The following RAB11FIP4 variants were observed in gnomAD, a reference collection of about 807,000 sequenced individuals.
RAB11FIP4 encodes rab11 family-interacting protein 4.
RAB11FIP4 carries 23 observed loss-of-function variants against 74.3 expected under a neutral mutation model. The observed-to-expected ratio is 0.31, with a 90% CI of 0.22 to 0.44. RAB11FIP4 has a LOEUF of 0.44. Ranked by LOEUF, RAB11FIP4 falls within the 20% of genes least tolerant of loss-of-function variation. RAB11FIP4 has a pLI of 1.00. For synonymous variants in RAB11FIP4, 360 were observed against 359.9 expected (o/e 1.00, Z 0.00); for missense variants, 630 against 863.9 (o/e 0.73, Z 3.39).
At chr17:31,411,720 C>T (rs750561548) in intron 1 of RAB11FIP4, among the ~76,000 whole-genome samples, 9 of 152,246 alleles carry the variant, frequency 5.9e-5, no homozygotes, top group Non-Finnish European at 1.3e-4. Context: ...CTGCAAAGAG[C>T]GTCTACAAAA....
At position 31,465,521 on chromosome 17, in the gene RAB11FIP4, A is replaced by AAAG; in HGVS notation, c.336+31401_336+31402insGAA. ...CGGATGGCACCCTGTTAAAAAAAAA[A>AAAG]AAAAAAAGAACCCCAGCCCCTGCTG... On this transcript the variant is annotated intron_variant, in intron 3 of 14. Transcript: ENST00000621161. 2.0e-5 allele frequency: 3 copies of AAAG among 150,962 alleles called. No individual in the cohort carries two copies. The South Asian group carries it at 6.3e-4, about 32-fold the overall frequency. The allele number at this position is 150,962 out of a possible 1,614,324, so 9.4% of individuals were successfully genotyped here. A position where few individuals can be genotyped will look rare whatever the true frequency, so the allele number is the denominator to read the frequency against.
At chr17:31,431,103 G>T (rs1161872348) in intron 1 of RAB11FIP4, among the ~76,000 whole-genome samples, 1 of 152,134 alleles carries the variant, frequency 6.6e-6, no homozygotes. Context: ...CAAAAAGCTG[G>T]AAATAACCAA....
In RAB11FIP4 at chr17:31,514,999, GGCCCTGCCCT is replaced by G. The variant is rs575434569; in HGVS notation, c.337-2636_337-2627del. ...GGATGCAAAGGCAGGCGGGGTGGGG[GGCCCTGCCCT>G]GCCCTGCCCTGCCCTCTGGCTGGAG... On this transcript the variant is annotated intron_variant, in intron 3 of 14. Transcript: ENST00000621161. 1.7e-4 allele frequency among the ~76,000 whole-genome samples: 26 copies of G among 152,148 alleles called. 1 individual carries two copies. The highest frequency in any genetic ancestry group is 1.9e-4 in the East Asian group (1 of 5,184).
Position 31,522,356 on chromosome 17 carries a change from C to G in RAB11FIP4, c.894-4C>G, listed in dbSNP as rs1485297848. On this transcript the variant is annotated splice_polypyrimidine_tract_variant and splice_region_variant and intron_variant, in intron 6 of 14. Coordinates refer to ENST00000621161, the MANE Select transcript of RAB11FIP4 (RefSeq NM_032932.6). ...TTCAATGACTGTTTCCTTTCTCTCT[C>G]TAGCCCCAACCGAAAGATCTCCAGC... 6.2e-7 allele frequency: 1 copy of G among 1,613,952 alleles called. No homozygotes were observed. Among genetic ancestry groups the G allele is most frequent in the South Asian group, 1.1e-5 (1 of 91,080 alleles).
In RAB11FIP4 at chr17:31,434,038, C is replaced by T. The variant is rs747691042; in HGVS notation, c.252C>T (p.Cys84=). 2.3e-5 allele frequency: 37 copies of T among 1,581,510 alleles called. No homozygotes were observed. Among genetic ancestry groups the T allele is most frequent in the Middle Eastern group, 3.3e-4 (2 of 5,978 alleles). ...FCRGVFAMKG[C]EELLKDVLSV... is the part of the protein sequence containing the mutation. ...TGTGTCTGCCTGTCTGCGCAGGGTG[C>T]GAGGAGCTGCTGAAGGATGTGCTGT... is the stretch of plus-strand genomic sequence containing the variant. Residue 84 remains cysteine (C), a synonymous_variant, in exon 3 of 15, where the codon TGC becomes TGT. Coordinates refer to ENST00000621161, the MANE Select transcript of RAB11FIP4 (RefSeq NM_032932.6).
intron 3 of RAB11FIP4, among the ~76,000 whole-genome samples, chr17:31,438,411 C>T (rs989908290): frequency 3.9e-5 from 6 of 152,192 alleles, no homozygotes; most frequent in Non-Finnish European, 5.9e-5. Flanking sequence ...GTAGCCACCA[C>T]GCCAGCAAAT....
chr17:31,426,170 G>T (rs1012370209), intron 1 of RAB11FIP4, among the ~76,000 whole-genome samples: 3 of 152,180 alleles, frequency 2.0e-5, no homozygotes, highest in African/African-American at 7.2e-5. Flanking sequence ...AGACAGCCCC[G>T]TGAGAGTCTC....
chr17:31,524,971 C>T (rs542856661), intron 9 of RAB11FIP4, 119 bp from the exon 10 acceptor site: 32 of 1,219,462 alleles, frequency 2.6e-5, no homozygotes, highest in East Asian at 5.1e-5. Flanking sequence ...CTGGCCCACA[C>T]GCCCTCAGTG....
chr17:31,520,976 C>A (rs1394242296), intron 4 of RAB11FIP4, 190 bp from the exon 5 acceptor site: 1 of 415,894 alleles, frequency 2.4e-6, no homozygotes. Context: ...TTGGTTTGAA[C>A]TGTAGAAATG....
Position 31,528,783 on chromosome 17 carries a change from G to T in RAB11FIP4, c.1653+5G>T. 1.9e-6 allele frequency: 3 copies of T among 1,603,450 alleles called. No individual in the cohort carries two copies. The highest frequency in any genetic ancestry group is 2.6e-6 in the Non-Finnish European group (3 of 1,174,876). On this transcript the variant is annotated splice_donor_5th_base_variant and intron_variant, in intron 13 of 14. Coordinates refer to ENST00000621161, the MANE Select transcript of RAB11FIP4 (RefSeq NM_032932.6). ...GAGGTCAAGCGGCTCAAGCAGGTGG[G>T]TCTAGCAGTCTCTGTGTCCAGTGGG...
rs80295809 is a variant in RAB11FIP4 at position 31,508,977 on chromosome 17, G to T, written c.337-8674G>T. 1,129 of 152,750 alleles carry T rather than the reference G, an allele frequency of 7.4e-3. 11 individuals carry two copies. The highest frequency in any genetic ancestry group is 0.013 in the Non-Finnish European group (907 of 68,030). The allele number at this position is 152,750 out of a possible 1,614,324, so 9.5% of individuals were successfully genotyped here. On this transcript the variant is annotated intron_variant, in intron 3 of 14. Coordinates refer to ENST00000621161, the MANE Select transcript of RAB11FIP4 (RefSeq NM_032932.6). ...CAGCAGCCCTTCCTCGGTGATGTTT[G>T]TGCAGCAGCAGAACTTGTTGAGTGA... is the stretch of plus-strand genomic sequence containing the variant.
intron 3 of RAB11FIP4, among the ~76,000 whole-genome samples, chr17:31,511,769 G>T (rs902909031): frequency 2.0e-5 from 3 of 152,224 alleles, no homozygotes; most frequent in Non-Finnish European, 2.9e-5. Flanking sequence ...GCCACTCTGA[G>T]GCTGGGACGG....
At chr17:31,403,059 G>C (rs2071008418) in intron 1 of RAB11FIP4, among the ~76,000 whole-genome samples, 1 of 152,140 alleles carries the variant, frequency 6.6e-6, no homozygotes, top group African/African-American at 2.4e-5. Flanking sequence ...GAGTATGACT[G>C]AGCATGGTGG....
intron 1 of RAB11FIP4, among the ~76,000 whole-genome samples, chr17:31,402,825 C>T (rs925262233): frequency 1.3e-4 from 20 of 151,718 alleles, no homozygotes; most frequent in Non-Finnish European, 2.7e-4. Flanking sequence ...CGGGGTTTCA[C>T]CGTGTTAGCC....
At chr17:31,490,901 G>A (rs1343448655) in intron 3 of RAB11FIP4, among the ~76,000 whole-genome samples, 5 of 152,328 alleles carry the variant, frequency 3.3e-5, no homozygotes, top group Non-Finnish European at 5.9e-5. Flanking sequence ...TGTTAGCAGT[G>A]GGGCACAGTG....
chr17:31,526,189 C>G (rs938002622), intron 10 of RAB11FIP4: 1 of 152,204 alleles, frequency 6.6e-6, no homozygotes, highest in African/African-American at 2.4e-5. Context: ...GAGGCTGGTG[C>G]CTAGTTAAGG....
intron 3 of RAB11FIP4, among the ~76,000 whole-genome samples, chr17:31,505,949 C>T (rs1200058658): frequency 2.0e-5 from 3 of 150,302 alleles, no homozygotes; most frequent in African/African-American, 7.4e-5. Flanking sequence ...TGGCCACCTG[C>T]CTTGGCCTCC....
At position 31,521,064 on chromosome 17, in the gene RAB11FIP4, G is replaced by A. The variant is rs544400201; in HGVS notation, c.564-102G>A. 122 of 879,820 alleles carry A rather than the reference G, an allele frequency of 1.4e-4. No individual in the cohort carries two copies. The South Asian group carries it at 2.1e-3, about 15-fold the overall frequency. The allele number at this position is 879,820 out of a possible 1,614,324, so 54.5% of individuals were successfully genotyped here. A position where few individuals can be genotyped will look rare whatever the true frequency, so the allele number is the denominator to read the frequency against. ...CAGGTCAAGAGCTACAAACTTAATC[G>A]GTAGTGCCAATTAAAGGGAAATGCC... On this transcript the variant is annotated intron_variant, in intron 4 of 14. Transcript: ENST00000621161.
At chr17:31,440,734 G>A (rs1440062694) in intron 3 of RAB11FIP4, among the ~76,000 whole-genome samples, 1 of 152,172 alleles carries the variant, frequency 6.6e-6, no homozygotes, top group African/African-American at 2.4e-5. Context: ...ACGCCATTGC[G>A]CTTAAGCCTT....
Sources: gnomAD v4.1 joint callset for allele counts (sites outside exome capture counted in the v4.1 genomes callset) on GRCh38, gnomAD v4.1.1 for gene constraint, MANE v1.5 for transcripts, NCBI Gene and HGNC (gene_info 2026-07-23, HGNC 2026-07-21) for gene names.